Variants in TTLL11 observed in about 807,000 individuals in gnomAD.
The protein encoded by TTLL11 is tubulin tyrosine ligase like 11.
In TTLL11, 42 loss-of-function variants were observed where a neutral mutation model predicts 51.7. The ratio of observed to expected loss-of-function variants is 0.81; its 90% CI spans 0.64 to 1.05. TTLL11 has a LOEUF of 1.05. TTLL11 is among the 50% of genes least tolerant of loss of function. The pLI, the probability that TTLL11 is intolerant of heterozygous loss-of-function variation, is 0.00. For synonymous variants in TTLL11, 381 were observed against 383.5 expected (o/e 0.99, Z 0.08); for missense variants, 799 against 940.4 (o/e 0.85, Z 1.97).
At chr9:121,958,988 G>C (rs1349389548) in intron 6 of TTLL11, among the ~76,000 whole-genome samples, 2 of 152,022 alleles carry the variant, frequency 1.3e-5, no homozygotes, top group Admixed American at 6.6e-5. Flanking sequence ...CAAGGGGGGG[G>C]GTCCAGTGCT....
chr9:122,083,578 A>G (rs1228601270), intron 1 of TTLL11, among the ~76,000 whole-genome samples: 1 of 152,200 alleles, frequency 6.6e-6, no homozygotes, highest in Non-Finnish European at 1.5e-5. Flanking sequence ...TTGAGAGGAC[A>G]AGGAATGCAG....
chr9:122,066,217 G>A (rs1263744395), intron 1 of TTLL11, among the ~76,000 whole-genome samples: 33 of 65,160 alleles, frequency 5.1e-4, no homozygotes, highest in African/African-American at 9.9e-4. Context: ...TGTTGTTAGT[G>A]GTGGTGGTGG....
intron 1 of TTLL11, among the ~76,000 whole-genome samples, chr9:122,062,677 C>G (rs1031100907): frequency 6.6e-6 from 1 of 151,562 alleles, no homozygotes; most frequent in Non-Finnish European, 1.5e-5. Context: ...CCATCTTGGC[C>G]AGGCTGGTCT....
intron 1 of TTLL11, among the ~76,000 whole-genome samples, chr9:122,070,403 G>C (rs1309080653): frequency 2.6e-5 from 4 of 152,122 alleles, no homozygotes. Flanking sequence ...GGGAGGGCTT[G>C]AGGTGCTTTT....
At chr9:121,826,620 T>C (rs1836815867) in intron 8 of TTLL11, among the ~76,000 whole-genome samples, 1 of 147,422 alleles carries the variant, frequency 6.8e-6, no homozygotes, top group Non-Finnish European at 1.5e-5. Flanking sequence ...TTGGCAGGGC[T>C]GGGATTTGAA....
At chr9:121,909,527 G>C (rs992133353) in intron 6 of TTLL11, among the ~76,000 whole-genome samples, 6 of 152,116 alleles carry the variant, frequency 3.9e-5, no homozygotes, top group African/African-American at 1.4e-4. Flanking sequence ...GGAGCCACCT[G>C]ACCCCTTTTT....
chr9:121,998,816 T>C (rs1386407908), intron 3 of TTLL11, among the ~76,000 whole-genome samples: 1 of 152,106 alleles, frequency 6.6e-6, no homozygotes, highest in East Asian at 1.9e-4. Flanking sequence ...CTTATTCATT[T>C]GTTTGTTTGT....
At chr9:121,888,080 T>C (rs1839083245) in intron 6 of TTLL11, among the ~76,000 whole-genome samples, 1 of 152,208 alleles carries the variant, frequency 6.6e-6, no homozygotes, top group Non-Finnish European at 1.5e-5. Flanking sequence ...CTCCAGTTCC[T>C]GGCTCTATCC....
At chr9:122,074,949 G>A (rs1845822125) in intron 1 of TTLL11, among the ~76,000 whole-genome samples, 1 of 151,660 alleles carries the variant, frequency 6.6e-6, no homozygotes, top group Admixed American at 6.6e-5. Context: ...TTTCTAAATA[G>A]GGATCTGCTT....
chr9:121,895,642 AGTGT>A (rs530405671), intron 6 of TTLL11, among the ~76,000 whole-genome samples: 48 of 100,882 alleles, frequency 4.8e-4, no homozygotes, highest in Middle Eastern at 6.7e-3. Flanking sequence ...TGTGCTTATG[AGTGT>A]GTGTGTATGT....
intron 8 of TTLL11, among the ~76,000 whole-genome samples, chr9:121,850,124 G>C (rs190824803): frequency 2.3e-4 from 35 of 151,622 alleles, no homozygotes; most frequent in Admixed American, 2.2e-3. Context: ...TGCACATGTG[G>C]AATGCATGGA....
At chr9:122,050,501 C>T (rs932829668) in intron 1 of TTLL11, among the ~76,000 whole-genome samples, 1 of 152,128 alleles carries the variant, frequency 6.6e-6, no homozygotes, top group African/African-American at 2.4e-5. Flanking sequence ...CCTCACCTGA[C>T]AGATGCTTCA....
intron 6 of TTLL11, among the ~76,000 whole-genome samples, chr9:121,958,617 A>G (rs534460599): frequency 1.2e-3 from 180 of 152,324 alleles, no homozygotes; most frequent in Middle Eastern, 6.8e-3. Flanking sequence ...ATTTGGACAC[A>G]GGTAACCGTT....
intron 1 of TTLL11, among the ~76,000 whole-genome samples, chr9:122,074,706 C>T (rs1486699584): frequency 6.7e-6 from 1 of 150,374 alleles, no homozygotes; most frequent in African/African-American, 2.5e-5. Context: ...GTTTGAGCAA[C>T]CTGGGCAATA....
intron 8 of TTLL11, among the ~76,000 whole-genome samples, chr9:121,856,681 G>A (rs559538461): frequency 1.3e-5 from 2 of 152,214 alleles, no homozygotes; most frequent in South Asian, 2.1e-4. Flanking sequence ...TTCTTTGAGC[G>A]TGAGAACCCA....
At chr9:121,926,836 A>C (rs1405349172) in intron 6 of TTLL11, among the ~76,000 whole-genome samples, 1 of 152,228 alleles carries the variant, frequency 6.6e-6, no homozygotes, top group Non-Finnish European at 1.5e-5. Context: ...GGGGTGGCAC[A>C]GAAACAATAG....
chr9:122,033,533 T>C (rs1482126182), intron 2 of TTLL11, among the ~76,000 whole-genome samples: 2 of 152,224 alleles, frequency 1.3e-5, no homozygotes, highest in East Asian at 1.9e-4. Context: ...CAAAGCTATT[T>C]TTAATAGAAA....
intron 6 of TTLL11, among the ~76,000 whole-genome samples, chr9:121,931,584 TAAAAAAA>T (rs757552624): frequency 6.1e-5 from 8 of 130,744 alleles, no homozygotes; most frequent in Admixed American, 4.6e-4. Context: ...TTCTACTATT[TAAAAAAA>T]AAAAAAAAAA....
chr9:121,815,894 C>T lies in TTLL11; in HGVS notation c.*6693G>A, dbSNP rs1836392162. ...GAGGGGGCTGGAGCACGTGGGGCCT[C>T]TCACCAGACCTCCAGGAGCCTCCGC... is the stretch of plus-strand genomic sequence containing the variant. On this transcript the variant is annotated 3_prime_UTR_variant, in exon 9 of 9. Coordinates refer to ENST00000321582, the MANE Select transcript of TTLL11 (RefSeq NM_001139442.2). 1 of 152,204 alleles carries T rather than the reference C, an allele frequency of 6.6e-6. No individual in the cohort carries two copies. The highest frequency in any genetic ancestry group is 2.4e-5 in the African/African-American group (1 of 41,440). The allele number at this position is 152,204 out of a possible 1,614,324, so 9.4% of individuals were successfully genotyped here. A position where few individuals can be genotyped will look rare whatever the true frequency, so the allele number is the denominator to read the frequency against.
Sources: gnomAD v4.1 joint callset for allele counts (sites outside exome capture counted in the v4.1 genomes callset) on GRCh38, gnomAD v4.1.1 for gene constraint, MANE v1.5 for transcripts, NCBI Gene and HGNC (gene_info 2026-07-23, HGNC 2026-07-21) for gene names.